MARCHF8: variants seen among roughly 807,000 people sequenced by gnomAD.
MARCHF8 encodes the protein E3 ubiquitin-protein ligase MARCHF8.
MARCHF8 carries 40 observed loss-of-function variants against 51.6 expected under a neutral mutation model. The ratio of observed to expected loss-of-function variants is 0.77; its 90% CI spans 0.60 to 1.01. The LOEUF is 1.01. MARCHF8 is among the 50% of genes least tolerant of loss of function. The probability of loss-of-function intolerance (pLI) is 0.00; values close to 1 mark genes in which losing one functional copy is unlikely to be tolerated. For missense variants in MARCHF8, 685 were observed against 708.6 expected, an observed-to-expected ratio of 0.97 and a Z score of 0.38; for synonymous variants, 263 against 280.3, an observed-to-expected ratio of 0.94 and a Z score of 0.62.
At chr10:45,527,156 T>C (rs549661166) in intron 2 of MARCHF8, among the ~76,000 whole-genome samples, 52 of 152,226 alleles carry the variant, frequency 3.4e-4, no homozygotes, top group African/African-American at 1.3e-3. Flanking sequence ...AAGAAAAGTT[T>C]ATAGCGTTAA....
intron 2 of MARCHF8, among the ~76,000 whole-genome samples, chr10:45,517,855 T>C (rs1003686528): frequency 6.6e-6 from 1 of 152,172 alleles, no homozygotes; most frequent in Non-Finnish European, 1.5e-5. Context: ...GGTGAACAAA[T>C]ATATAACACA....
chr10:45,572,092 G>T (rs1283654383), intron 1 of MARCHF8, among the ~76,000 whole-genome samples: 1 of 151,002 alleles, frequency 6.6e-6, no homozygotes, highest in Non-Finnish European at 1.5e-5. Flanking sequence ...CACTTTCCTG[G>T]GGGGCAAGCA....
chr10:45,494,946 C>A (rs184917120), intron 2 of MARCHF8, among the ~76,000 whole-genome samples: 2 of 152,086 alleles, frequency 1.3e-5, no homozygotes. Context: ...ATGGTGAAAC[C>A]CCATCTCTAC....
At chr10:45,459,706 T>A in intron 6 of MARCHF8, 1 of 985,444 alleles carries the variant, frequency 1.0e-6, no homozygotes, top group Non-Finnish European at 1.2e-6. Flanking sequence ...TGGGTCACAC[T>A]ACATTGTGAA....
chr10:45,520,555 C>T (rs368788384), intron 2 of MARCHF8, among the ~76,000 whole-genome samples: 12 of 152,262 alleles, frequency 7.9e-5, no homozygotes, highest in East Asian at 1.9e-4. Context: ...TAGAATGGGA[C>T]GAGGGTCTAA....
intron 1 of MARCHF8, among the ~76,000 whole-genome samples, chr10:45,549,867 C>T (rs79529960): frequency 0.035 from 5,339 of 152,256 alleles, 141 homozygotes; most frequent in East Asian, 0.052. Context: ...AGAAAGCCCT[C>T]ACCAGATGTG....
Position 45,489,417 on chromosome 10 carries a change from T to G in MARCHF8, c.103A>C (p.Asn35His), listed in dbSNP as rs1360773627. 6.2e-7 allele frequency: 1 copy of G among 1,611,462 alleles called. No homozygotes were observed. Among genetic ancestry groups the G allele is most frequent in the African/African-American group, 1.3e-5 (1 of 74,826 alleles). The change falls in exon 3 of 8, where the codon AAT (asparagine) becomes CAT (histidine). Residue 35 changes from asparagine (N) to histidine (H), a missense_variant and splice_region_variant. By Grantham distance (68) the Asn-to-His change is moderately conservative (BLOSUM62 1). Coordinates refer to ENST00000453424, the MANE Select transcript of MARCHF8 (RefSeq NM_001282866.2). ...ATGAAATGTCCCAAAGTCTTCTCAT[T>G]CTGCAAGAAAATCAAACAGGTTTTA... is the stretch of plus-strand genomic sequence containing the variant. Reference protein sequence around the residue: ...KTKEKEREEQNEKTLGHFMSH... With the variant: ...KTKEKEREEQHEKTLGHFMSH...
At chr10:45,499,223 A>G (rs1440068718) in intron 2 of MARCHF8, among the ~76,000 whole-genome samples, 1 of 152,190 alleles carries the variant, frequency 6.6e-6, no homozygotes, top group African/African-American at 2.4e-5. Flanking sequence ...ATCTTTTCAT[A>G]TGCCTACTAG....
At chr10:45,537,057 C>A (rs71496612), upstream of MARCHF8, among the ~76,000 whole-genome samples, 9,365 of 151,974 alleles carry the variant, frequency 0.062, 331 homozygotes, top group Non-Finnish European at 0.066. Flanking sequence ...TCTATGCAGT[C>A]GTTTTGAAAA....
Position 45,577,855 on chromosome 10 carries a change from T to C in MARCHF8, c.-79+16380A>G, listed in dbSNP as rs1223304045. Among the ~76,000 whole-genome samples the C allele has an allele frequency of 2.6e-5, 4 of 152,200 alleles. No homozygotes were observed. The East Asian group carries it at 7.7e-4, about 29-fold the overall frequency. On this transcript the variant is annotated intron_variant, in intron 1 of 6. Coordinates refer to the MARCHF8 transcript ENST00000319836. ...GGAGAATACAGCAAGATCCCATCTCTACTAAAAATTTTAAAAATAGCTGGG... is the reference window on the plus strand; with the variant it reads ...GGAGAATACAGCAAGATCCCATCTCCACTAAAAATTTTAAAAATAGCTGGG...
Position 45,458,499 on chromosome 10 carries a change from T to G in MARCHF8, c.1462A>C (p.Ile488Leu), listed in dbSNP as rs781089801. The G allele has an allele frequency of 6.2e-7, 1 of 1,611,176 alleles. No individual in the cohort carries two copies. The highest frequency in any genetic ancestry group is 8.5e-7 in the Non-Finnish European group (1 of 1,179,008). The change falls in exon 8 of 8, where the codon ATC becomes CTC. Residue 488 changes from isoleucine to leucine, a missense_variant. Transcript: ENST00000453424. Reference protein sequence around the residue: ...PFWTKLVVVAIGFTGGLLFMY... With the variant: ...PFWTKLVVVALGFTGGLLFMY... ...AAAAGAAGTCCTCCGGTGAAGCCGATGGCCACAACCACCAATTTAGTCCAA... is the reference window on the plus strand; with the variant it reads ...AAAAGAAGTCCTCCGGTGAAGCCGAGGGCCACAACCACCAATTTAGTCCAA...
intron 2 of MARCHF8, among the ~76,000 whole-genome samples, chr10:45,494,995 C>CTAT (rs763374639): frequency 1.3e-5 from 2 of 152,070 alleles, no homozygotes; most frequent in East Asian, 3.9e-4. Flanking sequence ...TGGCACATGC[C>CTAT]TGTAATGCCA....
chr10:45,552,877 G>C (rs1185148258), intron 1 of MARCHF8, among the ~76,000 whole-genome samples: 3 of 152,076 alleles, frequency 2.0e-5, no homozygotes, highest in African/African-American at 7.2e-5. Context: ...ATTCTGCAAT[G>C]GTATAATTTA....
intron 2 of MARCHF8, among the ~76,000 whole-genome samples, chr10:45,517,207 A>G (rs945726598): frequency 9.9e-5 from 15 of 152,264 alleles, no homozygotes; most frequent in African/African-American, 3.4e-4. Context: ...CTTATGGACT[A>G]TACACGTGAA....
At chr10:45,509,307 G>C (rs1386400503) in intron 2 of MARCHF8, among the ~76,000 whole-genome samples, 1 of 152,172 alleles carries the variant, frequency 6.6e-6, no homozygotes, top group African/African-American at 2.4e-5. Flanking sequence ...GATGCTGTTT[G>C]AATGTATTTT....
chr10:45,520,040 G>A (rs1437586388), intron 2 of MARCHF8, among the ~76,000 whole-genome samples: 2 of 152,160 alleles, frequency 1.3e-5, no homozygotes, highest in Non-Finnish European at 2.9e-5. Flanking sequence ...CTCAGCAGCA[G>A]TGACCCAAGA....
At chr10:45,497,389 G>A (rs574959452) in intron 2 of MARCHF8, among the ~76,000 whole-genome samples, 2 of 152,062 alleles carry the variant, frequency 1.3e-5, no homozygotes, top group South Asian at 2.1e-4. Context: ...ATGAACAGCC[G>A]AGCTATGTAA....
chr10:45,527,982 A>G (rs2133259558), intron 2 of MARCHF8, among the ~76,000 whole-genome samples: 2 of 152,364 alleles, frequency 1.3e-5, no homozygotes, highest in Middle Eastern at 3.4e-3. Context: ...TGCCACATAA[A>G]CAGGATTAAA....
chr10:45,521,824 C>T (rs2043710825), intron 2 of MARCHF8, among the ~76,000 whole-genome samples: 1 of 152,154 alleles, frequency 6.6e-6, no homozygotes, highest in Non-Finnish European at 1.5e-5. Context: ...ACAATGAATA[C>T]CTGTCTGTCC....
Sources: allele counts gnomAD v4.1 joint callset (sites outside exome capture counted in the v4.1 genomes callset), GRCh38; gene constraint gnomAD v4.1.1; transcripts MANE v1.5; gene names NCBI Gene and HGNC (gene_info 2026-07-23, HGNC 2026-07-21).